FYN: variants seen among roughly 807,000 people sequenced by gnomAD.
FYN encodes FYN proto-oncogene, Src family tyrosine kinase, also known as tyrosine-protein kinase Fyn.
In FYN, 10 loss-of-function variants were observed where a neutral mutation model predicts 70.2. The observed-to-expected ratio is 0.14, with a 90% confidence interval of 0.09 to 0.24. The LOEUF (loss-of-function observed/expected upper bound fraction) is 0.24. Among genes scored for constraint, FYN ranks in the 10% least tolerant of loss-of-function variants. The pLI is 1.00. For synonymous variants in FYN, 236 were observed against 248.6 expected, an observed-to-expected ratio of 0.95 and a Z score of 0.48; for missense variants, 319 against 673.1, an observed-to-expected ratio of 0.47 and a Z score of 5.82.
rs568920034 is a variant in FYN, at chr6:111,673,101, TC to T, written c.1405+1397del. Among the ~76,000 whole-genome samples, 7 of 152,208 alleles carry T rather than the reference TC, an allele frequency of 4.6e-5. No homozygotes were observed. The South Asian group carries it at 1.2e-3, about 27-fold the overall frequency. ...TGGGAGGGATCAGGAAGAAATCAGTTCAAAATTCAGACAATAAATAAAGAAG... is the reference window on the plus strand; with the variant it reads ...TGGGAGGGATCAGGAAGAAATCAGTTAAAATTCAGACAATAAATAAAGAAG... On this transcript the variant is annotated intron_variant, in intron 13 of 13. Coordinates refer to ENST00000354650, the MANE Select transcript of FYN (RefSeq NM_002037.5).
chr6:111,679,264 T>C (rs1426471450), intron 12 of FYN, among the ~76,000 whole-genome samples: 2 of 152,208 alleles, frequency 1.3e-5, no homozygotes, highest in African/African-American at 2.4e-5. Flanking sequence ...CTTTGCCTGA[T>C]CACTAAAGAC....
At chr6:111,690,216 T>C (rs966590353) in intron 12 of FYN, among the ~76,000 whole-genome samples, 13 of 152,222 alleles carry the variant, frequency 8.5e-5, no homozygotes, top group Middle Eastern at 3.4e-3. Context: ...CAGCAGATCC[T>C]TGTGGTGCCT....
At chr6:111,866,333 T>C (rs1774104333) in intron 1 of FYN, among the ~76,000 whole-genome samples, 1 of 152,012 alleles carries the variant, frequency 6.6e-6, no homozygotes. Flanking sequence ...CCCAACCTCA[T>C]GCTTTTGTTT....
chr6:111,699,932 T>TTC, intron 9 of FYN, 172 bp downstream of exon 9: 1 of 518,698 alleles, frequency 1.9e-6, no homozygotes, highest in Non-Finnish European at 3.0e-6. Context: ...TTTTTTTTTT[T>TTC]TTTTTTAGGA....
intron 3 of FYN, among the ~76,000 whole-genome samples, chr6:111,748,452 T>G (rs1403397251): frequency 2.6e-5 from 4 of 152,200 alleles, no homozygotes; most frequent in Non-Finnish European, 5.9e-5. Flanking sequence ...AGTTCATGCT[T>G]GCTCACCTCT....
chr6:111,851,215 G>A (rs2114492656), intron 1 of FYN, among the ~76,000 whole-genome samples: 1 of 152,334 alleles, frequency 6.6e-6, no homozygotes, highest in South Asian at 2.1e-4. Context: ...CACATTGGGA[G>A]GATGGCACAG....
intron 3 of FYN, among the ~76,000 whole-genome samples, chr6:111,735,128 C>T (rs1371390761): frequency 6.6e-6 from 1 of 152,160 alleles, no homozygotes; most frequent in Non-Finnish European, 1.5e-5. Flanking sequence ...ACCATGATAC[C>T]CTCAAAGAAC....
intron 3 of FYN, among the ~76,000 whole-genome samples, chr6:111,721,611 G>A (rs1800948357): frequency 6.6e-6 from 1 of 151,880 alleles, no homozygotes; most frequent in South Asian, 2.1e-4. Flanking sequence ...CACCATGTTG[G>A]TCAGGCTGGT....
At chr6:111,856,880 A>G (rs1773836291) in intron 1 of FYN, among the ~76,000 whole-genome samples, 1 of 152,178 alleles carries the variant, frequency 6.6e-6, no homozygotes, top group African/African-American at 2.4e-5. Context: ...GAACACCCCC[A>G]ATAAAGGCAC....
At chr6:111,705,270 T>C (rs1800018717) in intron 6 of FYN, among the ~76,000 whole-genome samples, 1 of 152,142 alleles carries the variant, frequency 6.6e-6, no homozygotes, top group South Asian at 2.1e-4. Context: ...AAAACGCCCA[T>C]GAGTACTTAC....
chr6:111,715,105 C>T (rs1288638465), intron 4 of FYN, among the ~76,000 whole-genome samples: 3 of 152,178 alleles, frequency 2.0e-5, no homozygotes, highest in Non-Finnish European at 2.9e-5. Flanking sequence ...GTAGCACTCA[C>T]TCTTCCTCAC....
chr6:111,744,370 G>A (rs72942109), intron 3 of FYN, among the ~76,000 whole-genome samples: 1 of 152,206 alleles, frequency 6.6e-6, no homozygotes, highest in Admixed American at 6.5e-5. Flanking sequence ...TGCAGTGGAT[G>A]GCTGCTCTTG....
chr6:111,735,793 C>T (rs1801683342), intron 3 of FYN, among the ~76,000 whole-genome samples: 1 of 152,188 alleles, frequency 6.6e-6, no homozygotes, highest in South Asian at 2.1e-4. Context: ...ATTCATAATT[C>T]ATACCTCACA....
chr6:111,769,306 T>C (rs1803348915), intron 3 of FYN, among the ~76,000 whole-genome samples: 1 of 152,190 alleles, frequency 6.6e-6, no homozygotes, highest in Non-Finnish European at 1.5e-5. Context: ...TATGGGACAA[T>C]CTTTTCCCTA....
intron 3 of FYN, among the ~76,000 whole-genome samples, chr6:111,765,155 C>A (rs2128496333): frequency 6.6e-6 from 1 of 152,158 alleles, no homozygotes; most frequent in South Asian, 2.1e-4. Context: ...GGTGTGTGCA[C>A]ACATGAGCAC....
At chr6:111,777,931 C>T (rs1771014903) in intron 3 of FYN, among the ~76,000 whole-genome samples, 1 of 152,166 alleles carries the variant, frequency 6.6e-6, no homozygotes, top group African/African-American at 2.4e-5. Context: ...TCTTGCACTG[C>T]CACCCTCCCT....
In FYN at chr6:111,793,395, C is replaced by A. The variant is rs73766731; in HGVS notation, c.-81-12760G>T. ...ATTAGTTAAAAACCGTTTCCTGGGG[C>A]CTTGGTTTACAGTCTGCGCATCCCC... is the stretch of plus-strand genomic sequence containing the variant. On this transcript the variant is annotated intron_variant, in intron 2 of 13. Transcript: ENST00000354650. Among the ~76,000 whole-genome samples the A allele has an allele frequency of 6.6e-3, 1,002 of 151,904 alleles. 12 individuals are homozygous for A. The highest frequency in any genetic ancestry group is 0.023 in the African/African-American group (959 of 41,416).
intron 2 of FYN, among the ~76,000 whole-genome samples, chr6:111,811,928 G>A (rs1438361848): frequency 1.3e-5 from 2 of 152,122 alleles, no homozygotes; most frequent in East Asian, 1.9e-4. Context: ...GGCATCACAG[G>A]TATAGCCTTG....
chr6:111,791,354 A>G (rs889064337), intron 2 of FYN, among the ~76,000 whole-genome samples: 1 of 152,260 alleles, frequency 6.6e-6, no homozygotes, highest in Non-Finnish European at 1.5e-5. Context: ...AAAGTAATAA[A>G]TGCTGGGTTC....
Sources: allele counts gnomAD v4.1 joint callset (sites outside exome capture counted in the v4.1 genomes callset), GRCh38; gene constraint gnomAD v4.1.1; transcripts MANE v1.5; gene names NCBI Gene and HGNC (gene_info 2026-07-23, HGNC 2026-07-21).